RAI1: variants seen among roughly 807,000 people sequenced by gnomAD.
RAI1 encodes retinoic acid-induced protein 1.
Under a neutral mutation model 123.8 loss-of-function variants are expected in RAI1, and 9 were observed. The ratio of observed to expected loss-of-function variants is 0.07; its 90% CI spans 0.04 to 0.13. The LOEUF (loss-of-function observed/expected upper bound fraction) is 0.13, where lower values mean the gene tolerates loss of function less well. RAI1 is among the 10% of genes least tolerant of loss of function. The pLI is 1.00. For missense variants in RAI1, 2,256 were observed against 2,545.8 expected, an observed-to-expected ratio of 0.89 and a Z score of 2.45; for synonymous variants, 1,231 against 1,127.3, an observed-to-expected ratio of 1.09 and a Z score of -1.84.
In RAI1 at chr17:17,798,519, A is replaced by C. The variant is rs758564287; in HGVS notation, c.5565+6A>C. 1 of 1,599,198 alleles carries C rather than the reference A, an allele frequency of 6.3e-7. No homozygotes were observed. Among genetic ancestry groups the C allele is most frequent in the South Asian group, 1.1e-5 (1 of 90,976 alleles). The stretch of plus-strand genomic sequence containing the variant: ...TGAAGGTGGCCGTGGACATGGTAAG[A>C]GGCCAGCCCAGCCAGGGTGGGGAGT... On this transcript the variant is annotated splice_donor_region_variant and intron_variant, in intron 3 of 5. Transcript: ENST00000353383.
At chr17:17,765,431 T>C (rs2030886436) in intron 2 of RAI1, among the ~76,000 whole-genome samples, 1 of 152,198 alleles carries the variant, frequency 6.6e-6, no homozygotes, top group African/African-American at 2.4e-5. Context: ...CCAGGCGACT[T>C]GGGGGTCTGT....
chr17:17,810,639 G>T lies in RAI1; in HGVS notation c.*658G>T. On this transcript the variant is annotated 3_prime_UTR_variant, in exon 6 of 6. Transcript: ENST00000353383. This position sits in a 1 kb window ranked among gnomAD's most constrained non-coding sequence, Gnocchi z 4.6. ...CTCTCGTGCGGTTCGGGCAAAGCCGGGGTAGACCTGGGCTATGCTCAGTTA... is the reference window on the plus strand; with the variant it reads ...CTCTCGTGCGGTTCGGGCAAAGCCGTGGTAGACCTGGGCTATGCTCAGTTA... 1 of 336,730 alleles carries T rather than the reference G, an allele frequency of 3.0e-6. No homozygotes were observed. Among genetic ancestry groups the T allele is most frequent in the Non-Finnish European group, 6.0e-6 (1 of 167,062 alleles). 20.9% of individuals were successfully genotyped at this position (336,730 alleles called of 1,614,324 possible).
chr17:17,749,350 T>C (rs2030061285), intron 2 of RAI1, among the ~76,000 whole-genome samples: 1 of 152,206 alleles, frequency 6.6e-6, no homozygotes, highest in Admixed American at 6.5e-5. Flanking sequence ...CAGAGACAGC[T>C]CTGCTCACCT....
At chr17:17,784,413 G>C (rs928690063) in intron 2 of RAI1, among the ~76,000 whole-genome samples, 2 of 152,226 alleles carry the variant, frequency 1.3e-5, no homozygotes, top group African/African-American at 4.8e-5. Context: ...TCCCCTTTCT[G>C]TTTGACAGAC....
intron 2 of RAI1, among the ~76,000 whole-genome samples, chr17:17,757,690 G>A (rs1462985345): frequency 6.6e-6 from 1 of 152,186 alleles, no homozygotes; most frequent in East Asian, 1.9e-4. Context: ...TGCCTCTGTA[G>A]CGCCTGTAAT....
At chr17:17,733,265 T>C (rs1474129531) in intron 2 of RAI1, among the ~76,000 whole-genome samples, 4 of 152,134 alleles carry the variant, frequency 2.6e-5, no homozygotes, top group African/African-American at 9.7e-5. Context: ...GATTCCAAAC[T>C]GGGTCTTAGT....
chr17:17,700,954 G>T (rs1047838391), intron 1 of RAI1, among the ~76,000 whole-genome samples: 2 of 152,206 alleles, frequency 1.3e-5, no homozygotes, highest in East Asian at 3.9e-4. Flanking sequence ...GCGCTCTTGA[G>T]GGTTGAATGT....
rs527732351 is a variant in RAI1 at position 17,741,314 on chromosome 17, C to A, written c.-17+17155C>A. Among the ~76,000 whole-genome samples the A allele has an allele frequency of 2.6e-5, 4 of 152,196 alleles. No individual in the cohort carries two copies. The East Asian group carries it at 7.7e-4, about 29-fold the overall frequency. ...GGAAGAAAATCCGATTCTGGAGTTA[C>A]CTTAGTTACCAGCTCCTAATGACTC... On this transcript the variant is annotated intron_variant, in intron 2 of 5. Transcript: ENST00000353383.
intron 2 of RAI1, among the ~76,000 whole-genome samples, chr17:17,758,921 G>C (rs965825713): frequency 1.3e-5 from 2 of 152,176 alleles, no homozygotes; most frequent in Non-Finnish European, 2.9e-5. Context: ...TGGTGGGGAG[G>C]GGGGCTGGTA....
chr17:17,712,205 C>T (rs538516539), intron 1 of RAI1, among the ~76,000 whole-genome samples: 22 of 152,302 alleles, frequency 1.4e-4, no homozygotes, highest in Admixed American at 1.1e-3. Context: ...TGCTAGGTGC[C>T]GGGGCTCTAT....
chr17:17,737,467 C>T (rs1290826109), intron 2 of RAI1, among the ~76,000 whole-genome samples: 1 of 152,174 alleles, frequency 6.6e-6, no homozygotes, highest in Non-Finnish European at 1.5e-5. Flanking sequence ...CAGAGGGAGG[C>T]CAGAGCTGCC....
Position 17,793,018 on chromosome 17 carries a change from A to G in RAI1, c.70A>G (p.Thr24Ala), listed in dbSNP as rs1219623942. The change falls in exon 3 of 6, where the codon ACA becomes GCA. Residue 24 changes from threonine to alanine, a missense_variant. Coordinates refer to ENST00000353383, the MANE Select transcript of RAI1 (RefSeq NM_030665.4). The part of the protein sequence containing the change: ...QQNYQQTSQE[T>A]SRLENYRQPS... Reference sequence around the variant, plus strand: ...GAACTACCAGCAGACCTCGCAGGAAACATCACGCCTAGAGAATTACAGGCA... The same window carrying G: ...GAACTACCAGCAGACCTCGCAGGAAGCATCACGCCTAGAGAATTACAGGCA... 6.2e-7 allele frequency: 1 copy of G among 1,614,056 alleles called. No homozygotes were observed. Among genetic ancestry groups the G allele is most frequent in the African/African-American group, 1.3e-5 (1 of 74,944 alleles).
At chr17:17,693,670 A>C (rs1474502010) in intron 1 of RAI1, among the ~76,000 whole-genome samples, 1 of 152,230 alleles carries the variant, frequency 6.6e-6, no homozygotes, top group Non-Finnish European at 1.5e-5. Flanking sequence ...GCCAGGCGGC[A>C]GGTAGCTGAG....
intron 2 of RAI1, among the ~76,000 whole-genome samples, chr17:17,765,082 G>A (rs1215065469): frequency 6.6e-6 from 1 of 152,250 alleles, no homozygotes; most frequent in Non-Finnish European, 1.5e-5. Flanking sequence ...TTGGGAGGCT[G>A]AGACGGGAGG....
chr17:17,763,777 C>T (rs2030805658), intron 2 of RAI1, among the ~76,000 whole-genome samples: 1 of 152,196 alleles, frequency 6.6e-6, no homozygotes, highest in East Asian at 1.9e-4. Context: ...TGGTTGTACT[C>T]CTCAAGATAG....
chr17:17,725,434 G>A (rs551460359), intron 2 of RAI1, among the ~76,000 whole-genome samples: 2 of 152,160 alleles, frequency 1.3e-5, no homozygotes, highest in African/African-American at 4.8e-5. Context: ...GAAGGGGGAG[G>A]AGAGTGGTGG....
At position 17,801,826 on chromosome 17, in the gene RAI1, C is replaced by T. The variant is rs1447193301; in HGVS notation, c.5566-1930C>T. ...GGAGGCAGCTGCAGGGGTCAGAGAC[C>T]AGCCTGGAGCCCTCGGGCAGGTTAC... On this transcript the variant is annotated intron_variant, in intron 3 of 5. Coordinates refer to ENST00000353383, the MANE Select transcript of RAI1 (RefSeq NM_030665.4). The surrounding 1 kb of genome is among the most constrained non-coding windows in gnomAD (Gnocchi z 4.1). Among the ~76,000 whole-genome samples the T allele has an allele frequency of 6.6e-6, 1 of 152,196 alleles. No homozygotes were observed. Among genetic ancestry groups the T allele is most frequent in the Non-Finnish European group, 1.5e-5 (1 of 68,024 alleles).
At chr17:17,694,727 C>T (rs1483866726) in intron 1 of RAI1, among the ~76,000 whole-genome samples, 2 of 150,498 alleles carry the variant, frequency 1.3e-5, no homozygotes, top group East Asian at 1.9e-4. Flanking sequence ...GGAGGGGGCC[C>T]GGGACCTTCG....
At chr17:17,692,798 C>T (rs1376404258) in intron 1 of RAI1, among the ~76,000 whole-genome samples, 1 of 152,128 alleles carries the variant, frequency 6.6e-6, no homozygotes, top group Non-Finnish European at 1.5e-5. Flanking sequence ...CCTGGAGTTG[C>T]TGTAAGGGTT....
Sources: allele counts gnomAD v4.1 joint callset (sites outside exome capture counted in the v4.1 genomes callset), GRCh38; gene constraint gnomAD v4.1.1; non-coding constraint Gnocchi (gnomAD v3.1); transcripts MANE v1.5; gene names NCBI Gene and HGNC (gene_info 2026-07-23, HGNC 2026-07-21).